SNX8: variants seen among roughly 807,000 people sequenced by gnomAD.
The protein encoded by SNX8 is sorting nexin-8.
SNX8 carries 25 observed loss-of-function variants against 51.6 expected under a neutral mutation model. That is an observed-to-expected ratio of 0.48 (90% confidence interval 0.35 to 0.68). SNX8 has a LOEUF of 0.68. Among genes scored for constraint, SNX8 ranks in the 30% least tolerant of loss-of-function variants. SNX8 has a pLI of 0.00. For missense variants in SNX8, 695 were observed against 624.0 expected (o/e 1.11, Z -1.21); for synonymous variants, 324 against 277.0 (o/e 1.17, Z -1.68).
chr7:2,274,026 A>C (rs1280320915), intron 3 of SNX8, among the ~76,000 whole-genome samples: 2 of 152,224 alleles, frequency 1.3e-5, no homozygotes, highest in East Asian at 3.8e-4. Context: ...TAAATGCGCA[A>C]GCGGCCCAGC....
intron 1 of SNX8, among the ~76,000 whole-genome samples, chr7:2,327,968 G>A (rs993907360): frequency 6.6e-6 from 1 of 151,966 alleles, no homozygotes; most frequent in African/African-American, 2.4e-5. Context: ...TGGGCTCAAC[G>A]GACCCTCCTG....
chr7:2,257,303 G>C, intron 9 of SNX8, 62 bp downstream of exon 9: 1 of 1,550,722 alleles, frequency 6.4e-7, no homozygotes. Flanking sequence ...ACGGCTCCGG[G>C]TCCCACCATG....
intron 5 of SNX8, 69 bp from the exon 6 acceptor site, chr7:2,264,527 G>T: frequency 6.6e-7 from 1 of 1,509,562 alleles, no homozygotes; most frequent in Non-Finnish European, 8.9e-7. Flanking sequence ...GGCAGCAGCC[G>T]GTCCCCCAGA....
intron 4 of SNX8, 77 bp downstream of exon 4, chr7:2,271,773 C>G (rs879069190): frequency 1.3e-6 from 2 of 1,517,610 alleles, no homozygotes; most frequent in African/African-American, 2.8e-5. Context: ...AGAAACCACA[C>G]CTGAGAGAGG....
chr7:2,263,446 T>C lies in SNX8; in HGVS notation c.783-84A>G, dbSNP rs911237554. Reference sequence around the variant, plus strand: ...CGAGTCTGGCATCCCCCCCGACAGATGTCCTCCACGGCAACCTGCGTGACC... The same window carrying C: ...CGAGTCTGGCATCCCCCCCGACAGACGTCCTCCACGGCAACCTGCGTGACC... On this transcript the variant is annotated intron_variant, in intron 6 of 10. Coordinates refer to ENST00000222990, the MANE Select transcript of SNX8 (RefSeq NM_013321.4). 2.2e-6 allele frequency: 3 copies of C among 1,377,590 alleles called. No individual in the cohort carries two copies. In the African/African-American group the frequency reaches 4.3e-5, roughly 20 times the overall value. 85.3% of individuals were successfully genotyped at this position (1,377,590 alleles called of 1,614,324 possible).
rs748043966 is a variant in SNX8, at chr7:2,351,905, G to GTT, written c.-66+2315_-66+2316dup. Among the ~76,000 whole-genome samples the GTT allele has an allele frequency of 9.5e-3, 840 of 88,102 alleles. 39 individuals carry two copies. The highest frequency in any genetic ancestry group is 0.028 in the South Asian group (62 of 2,210). The allele number at this position is 88,102 out of a possible 152,430, so 57.8% of individuals were successfully genotyped here. On this transcript the variant is annotated intron_variant, in intron 1 of 5. Coordinates refer to the SNX8 transcript ENST00000435336. ...GAGTAAGTTTTTGTTGTTGTTGTTG[G>GTT]TTTTTTTTTTTTTTTTTTTTTGAGA...
At chr7:2,310,823 C>T (rs985037018) in intron 1 of SNX8, among the ~76,000 whole-genome samples, 1 of 152,044 alleles carries the variant, frequency 6.6e-6, no homozygotes, top group Non-Finnish European at 1.5e-5. Flanking sequence ...AGAGAATATA[C>T]TACGCTAGGG....
At position 2,286,444 on chromosome 7, in the gene SNX8, T is replaced by TGTACA. The variant is rs552431357; in HGVS notation, c.95-8144_95-8140dup. The stretch of plus-strand genomic sequence containing the variant: ...ATAAACTCACTCCATCCCTACAACC[T>TGTACA]GTACACATCTATATTCATTTTTGCA... On this transcript the variant is annotated intron_variant, in intron 1 of 10. Coordinates refer to ENST00000222990, the MANE Select transcript of SNX8 (RefSeq NM_013321.4). Among the ~76,000 whole-genome samples, 535 of 152,264 alleles carry TGTACA rather than the reference T, an allele frequency of 3.5e-3. 5 individuals carry two copies. In the South Asian group the frequency reaches 0.042, roughly 12 times the overall value.
intron 1 of SNX8, among the ~76,000 whole-genome samples, chr7:2,302,293 C>G (rs566344406): frequency 6.6e-6 from 1 of 152,092 alleles, no homozygotes; most frequent in South Asian, 2.1e-4. Context: ...TTGGTGGAGA[C>G]GGGGTTTCGC....
chr7:2,273,427 A>C (rs1795695438), intron 3 of SNX8, among the ~76,000 whole-genome samples: 2 of 151,206 alleles, frequency 1.3e-5, no homozygotes, highest in Admixed American at 1.3e-4. Context: ...AAAAATACAA[A>C]AAAAAATAAT....
At chr7:2,257,051 C>A in intron 9 of SNX8, 28 bp from the exon 10 acceptor site, 1 of 1,577,312 alleles carries the variant, frequency 6.3e-7, no homozygotes, top group Non-Finnish European at 8.6e-7. Context: ...GCCTTTCGCA[C>A]CCGGCCCAGC....
upstream of SNX8, among the ~76,000 whole-genome samples, chr7:2,317,995 G>A (rs555939781): frequency 6.6e-6 from 1 of 152,218 alleles, no homozygotes; most frequent in South Asian, 2.1e-4. Flanking sequence ...GCCAAATAAT[G>A]TACTCAGCAC....
At chr7:2,308,354 C>T (rs945918488) in intron 1 of SNX8, among the ~76,000 whole-genome samples, 9 of 151,788 alleles carry the variant, frequency 5.9e-5, no homozygotes, top group African/African-American at 1.7e-4. Context: ...TAAGTTTGCT[C>T]ATCAGGAGTT....
At chr7:2,259,220 C>A (rs1453466063) in intron 7 of SNX8, among the ~76,000 whole-genome samples, 1 of 152,196 alleles carries the variant, frequency 6.6e-6, no homozygotes, top group African/African-American at 2.4e-5. Context: ...ACCACAGACC[C>A]CCCAGCCACA....
intron 1 of SNX8, among the ~76,000 whole-genome samples, chr7:2,337,979 C>T (rs1778860336): frequency 6.6e-6 from 1 of 151,956 alleles, no homozygotes; most frequent in African/African-American, 2.4e-5. Context: ...CTATTAAACT[C>T]TGTATTTAAG....
intron 1 of SNX8, among the ~76,000 whole-genome samples, chr7:2,311,653 C>T (rs1278700880): frequency 6.6e-6 from 1 of 152,014 alleles, no homozygotes; most frequent in Non-Finnish European, 1.5e-5. Context: ...AAAAGACCTG[C>T]GAGGCCGGGC....
At chr7:2,341,120 T>G (rs1340968081) in intron 1 of SNX8, among the ~76,000 whole-genome samples, 1 of 144,520 alleles carries the variant, frequency 6.9e-6, no homozygotes, top group Non-Finnish European at 1.5e-5. Context: ...CAACAGGCTG[T>G]GATCACGCCA....
chr7:2,347,274 G>C (rs907716035), intron 1 of SNX8, among the ~76,000 whole-genome samples: 6 of 152,014 alleles, frequency 3.9e-5, no homozygotes, highest in Admixed American at 1.3e-4. Context: ...CTGAGGTCAG[G>C]AGTTTGAGAC....
chr7:2,268,470 CCGGCCAGCCGCCCCA>C, intron 5 of SNX8, among the ~76,000 whole-genome samples: 5 of 142,562 alleles, frequency 3.5e-5, no homozygotes, highest in Non-Finnish European at 7.8e-5. Context: ...AGCCCCCCGC[CCGGCCAGCCGCCCCA>C]TCCGGGAGGG....
Sources: gnomAD v4.1 joint callset for allele counts (sites outside exome capture counted in the v4.1 genomes callset) on GRCh38, gnomAD v4.1.1 for gene constraint, MANE v1.5 for transcripts, NCBI Gene and HGNC (gene_info 2026-07-23, HGNC 2026-07-21) for gene names.